SHISA6: variants seen among roughly 807,000 people sequenced by gnomAD.
SHISA6 encodes protein shisa-6.
Under a neutral mutation model 47.9 loss-of-function variants are expected in SHISA6, and 22 were observed. That is an observed-to-expected ratio of 0.46 (90% confidence interval 0.33 to 0.66). The LOEUF (loss-of-function observed/expected upper bound fraction) is 0.66, where lower values mean the gene tolerates loss of function less well. SHISA6 is among the 30% of genes least tolerant of loss of function. SHISA6 has a pLI of 0.02. For synonymous variants in SHISA6, 388 were observed against 337.8 expected (o/e 1.15, Z -1.63); for missense variants, 680 against 764.6 (o/e 0.89, Z 1.30).
chr17:11,449,117 T>C (rs372560261), intron 3 of SHISA6, among the ~76,000 whole-genome samples: 6 of 152,048 alleles, frequency 3.9e-5, no homozygotes, highest in African/African-American at 9.7e-5. Context: ...GAATGATATG[T>C]AGGAAGTCGG....
chr17:11,360,566 G>GAA (rs1172751262), intron 2 of SHISA6, among the ~76,000 whole-genome samples: 2 of 128,258 alleles, frequency 1.6e-5, no homozygotes, highest in African/African-American at 2.9e-5. Flanking sequence ...TCTCAAGAAG[G>GAA]AAAAAAAAAA....
chr17:11,335,886 C>A (rs949363675), intron 2 of SHISA6, among the ~76,000 whole-genome samples: 1 of 152,010 alleles, frequency 6.6e-6, no homozygotes, highest in Non-Finnish European at 1.5e-5. Flanking sequence ...ATGACATATG[C>A]GAGTTATGCC....
intron 2 of SHISA6, among the ~76,000 whole-genome samples, chr17:11,350,190 T>TTATTTATTTATTTA (rs1194463819): frequency 1.8e-5 from 2 of 113,516 alleles, no homozygotes; most frequent in Non-Finnish European, 3.5e-5. Flanking sequence ...TTATTTTTTT[T>TTATTTATTTATTTA]TTTTTTTGAG....
At chr17:11,423,215 A>ATG (rs140387181) in intron 3 of SHISA6, among the ~76,000 whole-genome samples, 15,467 of 135,630 alleles carry the variant, frequency 0.11, 898 homozygotes, top group East Asian at 0.15. Flanking sequence ...ACATATATGT[A>ATG]TGTGTGTGTG....
chr17:11,499,858 C>T (rs569871561), intron 3 of SHISA6, among the ~76,000 whole-genome samples: 1 of 152,120 alleles, frequency 6.6e-6, no homozygotes, highest in South Asian at 2.1e-4. Flanking sequence ...TGTGCCACCA[C>T]ACCCAGCTAA....
intron 3 of SHISA6, among the ~76,000 whole-genome samples, chr17:11,546,064 G>A (rs1430410427): frequency 6.6e-6 from 1 of 152,188 alleles, no homozygotes; most frequent in Non-Finnish European, 1.5e-5. Context: ...GGGAGAGCCT[G>A]TGGGACTAGA....
chr17:11,463,314 G>A (rs1915737448), intron 3 of SHISA6, among the ~76,000 whole-genome samples: 1 of 152,144 alleles, frequency 6.6e-6, no homozygotes, highest in Admixed American at 6.5e-5. Flanking sequence ...ATAAATAATA[G>A]CTATTACTAT....
At chr17:11,520,142 T>C (rs1190825961) in intron 3 of SHISA6, among the ~76,000 whole-genome samples, 1 of 152,186 alleles carries the variant, frequency 6.6e-6, no homozygotes, top group Non-Finnish European at 1.5e-5. Context: ...AACTCCAGAA[T>C]CATAAATTCT....
At chr17:11,469,324 G>A (rs1022003519) in intron 3 of SHISA6, among the ~76,000 whole-genome samples, 26 of 152,140 alleles carry the variant, frequency 1.7e-4, no homozygotes, top group African/African-American at 6.0e-4. Flanking sequence ...GCCTGAAGAT[G>A]GAGGAAGGGG....
intron 3 of SHISA6, among the ~76,000 whole-genome samples, chr17:11,416,081 G>A (rs971546813): frequency 1.3e-5 from 2 of 152,010 alleles, no homozygotes; most frequent in Non-Finnish European, 2.9e-5. Context: ...AATTCCATTT[G>A]GGGGGTGGGC....
intron 3 of SHISA6, among the ~76,000 whole-genome samples, chr17:11,524,517 G>A (rs896513224): frequency 3.6e-5 from 5 of 140,718 alleles, no homozygotes; most frequent in African/African-American, 1.4e-4. Flanking sequence ...TTTTTTTTGA[G>A]ATGGAGTTTT....
At chr17:11,325,635 A>G (rs1910854437) in intron 2 of SHISA6, among the ~76,000 whole-genome samples, 1 of 151,962 alleles carries the variant, frequency 6.6e-6, no homozygotes, top group Non-Finnish European at 1.5e-5. Context: ...AATCTTCCCC[A>G]TGTACTTTCA....
Position 11,560,558 on chromosome 17 carries a change from A to AG in SHISA6, c.*2258dup. The AG allele has an allele frequency of 6.6e-6, 1 of 152,640 alleles. No individual in the cohort carries two copies. The highest frequency in any genetic ancestry group is 1.9e-4 in the East Asian group (1 of 5,170). The allele number at this position is 152,640 out of a possible 1,614,324, so 9.5% of individuals were successfully genotyped here. ...CTTGGAAGGCAGGATGCTGGTGGTG[A>AG]GGGGAAAGGACCTGAGTGGCTGAGA... On this transcript the variant is annotated 3_prime_UTR_variant, in exon 6 of 6. Coordinates refer to ENST00000441885, the MANE Select transcript of SHISA6 (RefSeq NM_207386.4).
At chr17:11,527,637 G>A (rs183426380) in intron 3 of SHISA6, among the ~76,000 whole-genome samples, 124 of 152,228 alleles carry the variant, frequency 8.1e-4, no homozygotes, top group Admixed American at 2.3e-3. Context: ...CTATGAGAGT[G>A]GGTCAAATCT....
chr17:11,246,219 G>A (rs1278894521), intron 1 of SHISA6, among the ~76,000 whole-genome samples: 5 of 152,056 alleles, frequency 3.3e-5, no homozygotes, highest in Admixed American at 2.0e-4. Flanking sequence ...CGCCGGGTGC[G>A]GTGGCTCACG....
chr17:11,247,775 C>CT (rs1248779153), intron 1 of SHISA6, among the ~76,000 whole-genome samples: 6,203 of 134,534 alleles, frequency 0.046, 200 homozygotes, highest in African/African-American at 0.082. Context: ...TGGCGTCTTT[C>CT]TTTTTTTTTT....
intron 2 of SHISA6, among the ~76,000 whole-genome samples, chr17:11,298,020 G>C (rs560719500): frequency 6.6e-6 from 1 of 152,318 alleles, no homozygotes; most frequent in Admixed American, 6.5e-5. Flanking sequence ...GAGTTGAAAA[G>C]ATCATCATAA....
chr17:11,409,157 A>G (rs1198925381), intron 3 of SHISA6, among the ~76,000 whole-genome samples: 1 of 152,240 alleles, frequency 6.6e-6, no homozygotes, highest in African/African-American at 2.4e-5. Flanking sequence ...TGCAGTGTCT[A>G]AAATAACCTT....
At chr17:11,350,747 C>T (rs1229418649) in intron 2 of SHISA6, among the ~76,000 whole-genome samples, 1 of 152,112 alleles carries the variant, frequency 6.6e-6, no homozygotes, top group Non-Finnish European at 1.5e-5. Context: ...ATGCCATTCC[C>T]TCACTCAAAA....
Sources: gnomAD v4.1 joint callset for allele counts (sites outside exome capture counted in the v4.1 genomes callset) on GRCh38, gnomAD v4.1.1 for gene constraint, MANE v1.5 for transcripts, NCBI Gene and HGNC (gene_info 2026-07-23, HGNC 2026-07-21) for gene names.